Variants in RNFT2 observed in about 807,000 individuals in gnomAD.
The protein encoded by RNFT2 is E3 ubiquitin-protein ligase RNFT2.
Under a neutral mutation model 53.0 loss-of-function variants are expected in RNFT2, and 36 were observed. The observed-to-expected ratio is 0.68, with a 90% CI of 0.52 to 0.90. RNFT2 has a LOEUF of 0.90. RNFT2 is among the 40% of genes least tolerant of loss of function. RNFT2 has a pLI of 0.00. For synonymous variants in RNFT2, 260 were observed against 253.2 expected (o/e 1.03, Z -0.26); for missense variants, 514 against 585.6 (o/e 0.88, Z 1.26).
intron 10 of RNFT2, among the ~76,000 whole-genome samples, chr12:116,845,815 C>A (rs1209647977): frequency 6.6e-6 from 1 of 152,136 alleles, no homozygotes; most frequent in Admixed American, 6.6e-5. Flanking sequence ...CTCTCCCCTG[C>A]ACCCCCAACT....
At chr12:116,814,897 G>C (rs916710766) in intron 7 of RNFT2, among the ~76,000 whole-genome samples, 18 of 152,190 alleles carry the variant, frequency 1.2e-4, no homozygotes, top group African/African-American at 4.3e-4. Flanking sequence ...AGCATGCCCA[G>C]CTAAATTTTT....
chr12:116,847,982 A>G (rs753600786), intron 10 of RNFT2, among the ~76,000 whole-genome samples: 1 of 152,162 alleles, frequency 6.6e-6, no homozygotes, highest in Non-Finnish European at 1.5e-5. Flanking sequence ...TTAGCAATTT[A>G]TCCTGATGTT....
intron 7 of RNFT2, among the ~76,000 whole-genome samples, chr12:116,794,967 C>G (rs1166145193): frequency 6.6e-6 from 1 of 152,020 alleles, no homozygotes. Flanking sequence ...GTGAATGAAA[C>G]TTGGTTTTAT....
intron 7 of RNFT2, among the ~76,000 whole-genome samples, chr12:116,793,994 T>C (rs1185822677): frequency 6.6e-6 from 1 of 152,154 alleles, no homozygotes; most frequent in Non-Finnish European, 1.5e-5. Context: ...CTCTGGGTGC[T>C]GTGGCTCACG....
chr12:116,847,211 C>T lies in RNFT2; in HGVS notation c.1201-2103C>T, dbSNP rs1877663566. On this transcript the variant is annotated intron_variant, in intron 10 of 10. Coordinates refer to ENST00000257575, the MANE Select transcript of RNFT2 (RefSeq NM_001382266.1). The stretch of plus-strand genomic sequence containing the variant: ...GTGTAAGCCACTGTGCCTGGCCACC[C>T]AGGAAATTTTAAATTAATGTGACAT... Among the ~76,000 whole-genome samples the T allele has an allele frequency of 2.6e-5, 4 of 151,872 alleles. No individual in the cohort carries two copies. The South Asian group carries it at 8.3e-4, about 32-fold the overall frequency.
chr12:116,765,027 G>T (rs1012825949), intron 5 of RNFT2, among the ~76,000 whole-genome samples: 2 of 152,174 alleles, frequency 1.3e-5, no homozygotes, highest in Non-Finnish European at 2.9e-5. Flanking sequence ...GGGCCTCCAG[G>T]GGTCCTTGAT....
At chr12:116,833,726 GC>G in intron 7 of RNFT2, 65 bp from the exon 8 acceptor site, 4 of 1,573,596 alleles carry the variant, frequency 2.5e-6, no homozygotes, top group South Asian at 2.3e-5. Context: ...GGGGCGGGGG[GC>G]CCCCCAGCTG....
chr12:116,784,790 G>A (rs1039461280), intron 7 of RNFT2, among the ~76,000 whole-genome samples: 4 of 151,964 alleles, frequency 2.6e-5, no homozygotes, highest in Admixed American at 1.3e-4. Flanking sequence ...TATCTCCACC[G>A]TCACCACCCT....
chr12:116,783,645 A>G (rs1284386266), intron 7 of RNFT2, among the ~76,000 whole-genome samples: 2 of 152,216 alleles, frequency 1.3e-5, no homozygotes, highest in Non-Finnish European at 2.9e-5. Flanking sequence ...GGAACCCAGG[A>G]TGGGAAGGAG....
chr12:116,757,233 TG>T (rs1872544064), intron 5 of RNFT2, among the ~76,000 whole-genome samples: 1 of 152,158 alleles, frequency 6.6e-6, no homozygotes, highest in African/African-American at 2.4e-5. Context: ...TGGTTAATCT[TG>T]CTAATGGTCT....
At chr12:116,762,479 G>A (rs1281067959) in intron 5 of RNFT2, among the ~76,000 whole-genome samples, 2 of 152,024 alleles carry the variant, frequency 1.3e-5, no homozygotes, top group African/African-American at 2.4e-5. Context: ...GCCTATGCCT[G>A]TAATCCCAGC....
intron 2 of RNFT2, 190 bp from the exon 3 acceptor site, chr12:116,740,846 C>T (rs1325847674): frequency 1.6e-6 from 1 of 640,090 alleles, no homozygotes; most frequent in Non-Finnish European, 2.8e-6. Context: ...TGATAGCTTT[C>T]CTCATGGGAT....
intron 7 of RNFT2, among the ~76,000 whole-genome samples, chr12:116,799,135 G>A (rs778287663): frequency 3.3e-5 from 5 of 152,128 alleles, no homozygotes; most frequent in South Asian, 2.1e-4. Flanking sequence ...CTGTGTGATC[G>A]TAGGACTTGA....
intron 6 of RNFT2, among the ~76,000 whole-genome samples, chr12:116,773,535 CAG>C (rs935581424): frequency 3.3e-5 from 5 of 152,210 alleles, no homozygotes; most frequent in African/African-American, 9.6e-5. Flanking sequence ...AAATTAAAGA[CAG>C]AGCGCTTCTG....
intron 6 of RNFT2, among the ~76,000 whole-genome samples, chr12:116,769,359 T>C (rs545685789): frequency 6.6e-6 from 1 of 152,234 alleles, no homozygotes; most frequent in East Asian, 2.0e-4. Context: ...TAAAGTTAAC[T>C]GTAAGGCAGC....
intron 7 of RNFT2, among the ~76,000 whole-genome samples, chr12:116,799,660 G>A (rs955628078): frequency 1.3e-5 from 2 of 152,174 alleles, no homozygotes; most frequent in African/African-American, 4.8e-5. Context: ...CCTCAGCTGG[G>A]CACGATGGCT....
At chr12:116,812,147 G>C (rs1302101162) in intron 7 of RNFT2, among the ~76,000 whole-genome samples, 1 of 152,138 alleles carries the variant, frequency 6.6e-6, no homozygotes, top group Non-Finnish European at 1.5e-5. Context: ...GACTTCAAGG[G>C]GCTGATGGAG....
rs551657400 is a variant in RNFT2, at chr12:116,777,109, G to T, written c.729-2086G>T. Among the ~76,000 whole-genome samples, 4 of 151,812 alleles carry T rather than the reference G, an allele frequency of 2.6e-5. No homozygotes were observed. The South Asian group carries it at 6.3e-4, about 24-fold the overall frequency. ...ATTTTTGTATTTTTAGTAGAGACAG[G>T]GTTTCACCATGTTGGCCGGGCCGGT... On this transcript the variant is annotated intron_variant, in intron 6 of 10. Transcript: ENST00000257575.
chr12:116,801,364 T>C (rs1874785212), intron 7 of RNFT2: 1 of 152,250 alleles, frequency 6.6e-6, no homozygotes, highest in Non-Finnish European at 1.5e-5. Flanking sequence ...GCCAGGAAGA[T>C]TCTAGAGCAT....
Sources: allele counts gnomAD v4.1 joint callset (sites outside exome capture counted in the v4.1 genomes callset), GRCh38; gene constraint gnomAD v4.1.1; transcripts MANE v1.5; gene names NCBI Gene and HGNC (gene_info 2026-07-23, HGNC 2026-07-21).